The following VAT1L variants were observed in gnomAD, a reference collection of about 807,000 sequenced individuals.
VAT1L encodes vesicle amine transport 1 like, also known as putative NADPH-dependent quinone oxidoreductase VAT1L.
VAT1L carries 34 observed loss-of-function variants against 44.1 expected under a neutral mutation model. The observed-to-expected ratio is 0.77, with a 90% CI of 0.59 to 1.03. VAT1L has a LOEUF of 1.03. Among genes scored for constraint, VAT1L ranks in the 50% least tolerant of loss-of-function variants. VAT1L has a pLI of 0.00. For missense variants in VAT1L, 615 were observed against 538.8 expected (o/e 1.14, Z -1.40); for synonymous variants, 253 against 202.2 (o/e 1.25, Z -2.13).
At chr16:77,829,197 C>T (rs990215756) in intron 3 of VAT1L, among the ~76,000 whole-genome samples, 1 of 152,172 alleles carries the variant, frequency 6.6e-6, no homozygotes, top group South Asian at 2.1e-4. Context: ...ATTTGTTCAA[C>T]CTCTACCCAG....
At chr16:77,878,725 T>C (rs970677501) in intron 5 of VAT1L, among the ~76,000 whole-genome samples, 1 of 152,068 alleles carries the variant, frequency 6.6e-6, no homozygotes, top group Non-Finnish European at 1.5e-5. Context: ...TTAACTCTGC[T>C]CCACCTCTCC....
intron 4 of VAT1L, among the ~76,000 whole-genome samples, chr16:77,863,183 A>G (rs771935531): frequency 5.3e-5 from 8 of 152,222 alleles, no homozygotes; most frequent in African/African-American, 1.7e-4. Context: ...ATTCATTCAC[A>G]TGATAGCTTA....
At chr16:77,904,691 T>C (rs2017421529) in intron 7 of VAT1L, among the ~76,000 whole-genome samples, 1 of 152,206 alleles carries the variant, frequency 6.6e-6, no homozygotes, top group African/African-American at 2.4e-5. Context: ...CTATAACACT[T>C]CCTATATTCC....
intron 3 of VAT1L, among the ~76,000 whole-genome samples, chr16:77,840,518 C>T (rs1012233696): frequency 9.2e-5 from 14 of 152,132 alleles, no homozygotes; most frequent in African/African-American, 3.4e-4. Context: ...TGCTATTCAT[C>T]TTCTTCAGTT....
intron 7 of VAT1L, among the ~76,000 whole-genome samples, chr16:77,892,049 G>A (rs2017272171): frequency 6.6e-6 from 1 of 152,196 alleles, no homozygotes; most frequent in Non-Finnish European, 1.5e-5. Context: ...TCCAGCCTGG[G>A]TGACAGAACA....
Position 77,862,824 on chromosome 16 carries a change from A to C in VAT1L, c.656A>C (p.Glu219Ala), listed in dbSNP as rs1324556907. 1.2e-6 allele frequency: 2 copies of C among 1,614,072 alleles called. No homozygotes were observed. The highest frequency in any genetic ancestry group is 1.7e-6 in the Non-Finnish European group (2 of 1,179,998). Residue 219 changes from glutamate to alanine, a missense_variant, in exon 4 of 9, where the codon GAA becomes GCA. Glu to Ala is a moderately radical substitution (Grantham distance 107). Coordinates refer to ENST00000302536, the MANE Select transcript of VAT1L (RefSeq NM_020927.3). ...VFGTASTFKH[E>A]AIKDSVTHLF... is the part of the protein sequence containing the mutation. ...GGAACAGCCTCTACTTTCAAGCATG[A>C]AGCAATCAAAGACTCTGTGACCCAC...
chr16:77,858,399 C>G (rs1284400681), intron 3 of VAT1L, among the ~76,000 whole-genome samples: 1 of 152,130 alleles, frequency 6.6e-6, no homozygotes, highest in East Asian at 1.9e-4. Context: ...AGCAGGATAG[C>G]AGATATGCTG....
At position 77,817,038 on chromosome 16, in the gene VAT1L, G is replaced by C. The variant is rs2016368141; in HGVS notation, c.351G>C (p.Val117=). Residue 117 remains valine, a synonymous_variant, in exon 2 of 9, where the codon GTG becomes GTC. Transcript: ENST00000302536. The part of the protein sequence containing the change: ...SGIVEALGDS[V]KGYEIGDRVM... ...TTGTTGAAGCTCTGGGGGACAGCGT[G>C]AAAGGATATGAGGTAATGTTTGGCT... The C allele has an allele frequency of 6.2e-7, 1 of 1,613,792 alleles. No homozygotes were observed.
At chr16:77,821,778 A>G (rs1387715716) in intron 2 of VAT1L, among the ~76,000 whole-genome samples, 1 of 151,874 alleles carries the variant, frequency 6.6e-6, no homozygotes, top group African/African-American at 2.4e-5. Context: ...GCAGCTCTCA[A>G]TAAACAGAGA....
chr16:77,921,190 C>CAAGG (rs2017608043), intron 7 of VAT1L, among the ~76,000 whole-genome samples: 1 of 152,268 alleles, frequency 6.6e-6, no homozygotes, highest in Admixed American at 6.5e-5. Context: ...TGGGGCTGGG[C>CAAGG]AAGGAAGCAA....
At position 77,977,778 on chromosome 16, in the gene VAT1L, C is replaced by A; in HGVS notation, c.*83C>A. On this transcript the variant is annotated 3_prime_UTR_variant, in exon 9 of 9. Transcript: ENST00000302536. ...GAAAACTCTTCTGTGCCCCAGTGAA[C>A]AAATGCTGTAGTCCAGTGCGTGTCG... 7.6e-7 allele frequency: 1 copy of A among 1,316,436 alleles called. No individual in the cohort carries two copies. Among genetic ancestry groups the A allele is most frequent in the Non-Finnish European group, 1.1e-6 (1 of 934,760 alleles). 81.5% of individuals were successfully genotyped at this position (1,316,436 alleles called of 1,614,324 possible). A position where few individuals can be genotyped will look rare whatever the true frequency, so the allele number is the denominator to read the frequency against.
intron 2 of VAT1L, among the ~76,000 whole-genome samples, chr16:77,823,940 T>C (rs534208602): frequency 6.6e-6 from 1 of 152,250 alleles, no homozygotes; most frequent in Non-Finnish European, 1.5e-5. Flanking sequence ...GGACAATCGC[T>C]TGTACCTGGG....
intron 7 of VAT1L, among the ~76,000 whole-genome samples, chr16:77,942,448 T>C (rs897367502): frequency 1.3e-5 from 2 of 152,138 alleles, no homozygotes; most frequent in African/African-American, 2.4e-5. Flanking sequence ...AGCTTTTTTT[T>C]TCATATGCGC....
At chr16:77,976,257 G>A (rs1479921522) in intron 8 of VAT1L, among the ~76,000 whole-genome samples, 1 of 152,202 alleles carries the variant, frequency 6.6e-6, no homozygotes, top group Admixed American at 6.5e-5. Flanking sequence ...TGCAGCTCTT[G>A]ATCAGTGCTA....
At chr16:77,967,894 C>T (rs138700348) in intron 7 of VAT1L, among the ~76,000 whole-genome samples, 2 of 152,230 alleles carry the variant, frequency 1.3e-5, no homozygotes, top group East Asian at 1.9e-4. Flanking sequence ...CAAAGCAGTA[C>T]GGACTAGGCA....
chr16:77,915,741 G>A (rs2017545388), intron 7 of VAT1L, among the ~76,000 whole-genome samples: 1 of 152,236 alleles, frequency 6.6e-6, no homozygotes. Context: ...AGTGAGGTTG[G>A]CTAGAAGACG....
chr16:77,829,861 G>A (rs557708817), intron 3 of VAT1L, among the ~76,000 whole-genome samples: 1 of 152,262 alleles, frequency 6.6e-6, no homozygotes, highest in African/African-American at 2.4e-5. Flanking sequence ...AGTTTTCAGA[G>A]TCCTCTTACC....
chr16:77,788,718 G>T lies in VAT1L; in HGVS notation c.36G>T (p.Thr12=). 2 of 1,555,880 alleles carry T rather than the reference G, an allele frequency of 1.3e-6. No homozygotes were observed. The highest frequency in any genetic ancestry group is 1.7e-6 in the Non-Finnish European group (2 of 1,149,328). The stretch of plus-strand genomic sequence containing the variant: ...AAGGCGTGGAGAAGGCGGAGGAGAC[G>T]GAGCAAATGATCGAGAAGGAGGCAG... ...AKEGVEKAEE[T]EQMIEKEAGK... Residue 12 remains threonine, a synonymous_variant, in exon 1 of 9, where the codon ACG becomes ACT. Transcript: ENST00000302536.
chr16:77,903,589 T>C (rs1246683249), intron 7 of VAT1L, among the ~76,000 whole-genome samples: 1 of 152,112 alleles, frequency 6.6e-6, no homozygotes, highest in East Asian at 1.9e-4. Flanking sequence ...TACAGAGAAA[T>C]TGGGTACAAC....
Sources: allele counts gnomAD v4.1 joint callset (sites outside exome capture counted in the v4.1 genomes callset), GRCh38; gene constraint gnomAD v4.1.1; transcripts MANE v1.5; gene names NCBI Gene and HGNC (gene_info 2026-07-23, HGNC 2026-07-21).